RHBDD1: variants seen among roughly 807,000 people sequenced by gnomAD.
The protein encoded by RHBDD1 is rhomboid-related protein 4.
RHBDD1 carries 38 observed loss-of-function variants against 36.3 expected under a neutral mutation model. That is an observed-to-expected ratio of 1.05 (90% CI 0.81 to 1.37). The LOEUF is 1.37. Ranked by LOEUF, RHBDD1 falls within the 40% of genes most tolerant of loss-of-function variation. The pLI is 0.00. For synonymous variants in RHBDD1, 151 were observed against 136.5 expected, an observed-to-expected ratio of 1.11 and a Z score of -0.74; for missense variants, 393 against 377.6, an observed-to-expected ratio of 1.04 and a Z score of -0.34.
intron 5 of RHBDD1, among the ~76,000 whole-genome samples, chr2:226,887,326 G>A (rs180850116): frequency 1.3e-5 from 2 of 152,284 alleles, no homozygotes; most frequent in East Asian, 1.9e-4. Context: ...TGCATCTGTA[G>A]TTGTAGATTT....
At chr2:226,877,529 T>C (rs1439979514) in intron 5 of RHBDD1, among the ~76,000 whole-genome samples, 1 of 151,574 alleles carries the variant, frequency 6.6e-6, no homozygotes, top group Non-Finnish European at 1.5e-5. Context: ...TTTATTTTTT[T>C]AGAAAATGTG....
intron 8 of RHBDD1, among the ~76,000 whole-genome samples, chr2:226,974,741 A>G (rs1279960256): frequency 6.6e-6 from 1 of 152,216 alleles, no homozygotes; most frequent in Non-Finnish European, 1.5e-5. Flanking sequence ...ACCCAAGAGC[A>G]GGGTGGATAC....
chr2:226,989,868 C>T (rs1957791833), intron 8 of RHBDD1, among the ~76,000 whole-genome samples: 1 of 152,172 alleles, frequency 6.6e-6, no homozygotes, highest in African/African-American at 2.4e-5. Flanking sequence ...GTGCTGACCA[C>T]TGTAAATCAC....
chr2:226,829,626 T>C, the RHBDD1 span, among the ~76,000 whole-genome samples: 1 of 152,314 alleles, frequency 6.6e-6, no homozygotes, highest in South Asian at 2.1e-4. Context: ...TGGAATGAAA[T>C]TGTTTTCTCA....
intron 8 of RHBDD1, among the ~76,000 whole-genome samples, chr2:226,967,417 G>T (rs745892603): frequency 3.3e-5 from 5 of 151,656 alleles, no homozygotes; most frequent in Non-Finnish European, 7.4e-5. Context: ...AAATTTTAGG[G>T]TACATGTGCA....
chr2:226,990,567 T>C (rs1957962210), intron 8 of RHBDD1, among the ~76,000 whole-genome samples: 1 of 152,078 alleles, frequency 6.6e-6, no homozygotes, highest in Admixed American at 6.5e-5. Context: ...TGGCGAACGG[T>C]AGGGAAAATG....
intron 8 of RHBDD1, among the ~76,000 whole-genome samples, chr2:226,975,715 A>G (rs1176701223): frequency 6.6e-6 from 1 of 152,210 alleles, no homozygotes; most frequent in Admixed American, 6.5e-5. Flanking sequence ...TTCGACAATG[A>G]TTTGTACATA....
chr2:226,848,438 G>A (rs1028476002), intron 3 of RHBDD1, among the ~76,000 whole-genome samples: 4 of 152,308 alleles, frequency 2.6e-5, no homozygotes, highest in African/African-American at 2.4e-5. Flanking sequence ...TATCTTACTA[G>A]TAGACAGTTG....
intron 3 of RHBDD1, among the ~76,000 whole-genome samples, chr2:226,854,251 T>C (rs1943106021): frequency 6.6e-6 from 1 of 152,130 alleles, no homozygotes; most frequent in African/African-American, 2.4e-5. Context: ...TATTATTATT[T>C]AGTATCTGTT....
chr2:226,974,709 A>G (rs922219925), intron 8 of RHBDD1, among the ~76,000 whole-genome samples: 6 of 152,194 alleles, frequency 3.9e-5, no homozygotes, highest in Non-Finnish European at 8.8e-5. Flanking sequence ...TCCAGGCACC[A>G]GGATCCTCTT....
At position 226,995,553 on chromosome 2, in the gene RHBDD1, G is replaced by T. The variant is rs374562891; in HGVS notation, c.*31G>T. ...CATCTTGGGAAGACATGGCCTATTC[G>T]TGTAATTATTGCCCATTTGGCTCAT... On this transcript the variant is annotated 3_prime_UTR_variant, in exon 9 of 9. Coordinates refer to ENST00000392062, the MANE Select transcript of RHBDD1 (RefSeq NM_001167608.3). 1 of 1,444,196 alleles carries T rather than the reference G, an allele frequency of 6.9e-7. No homozygotes were observed. The allele number at this position is 1,444,196 out of a possible 1,614,324, so 89.5% of individuals were successfully genotyped here. A position where few individuals can be genotyped will look rare whatever the true frequency, so the allele number is the denominator to read the frequency against.
Position 226,995,723 on chromosome 2 carries a change from C to T in RHBDD1, c.*201C>T. ...TTGCGGGGAGTGGGCCTTCTCCTGGCCTTGTTCTTGCTCATAAACAGGTCA... is the reference window on the plus strand; with the variant it reads ...TTGCGGGGAGTGGGCCTTCTCCTGGTCTTGTTCTTGCTCATAAACAGGTCA... On this transcript the variant is annotated 3_prime_UTR_variant, in exon 9 of 9. Coordinates refer to ENST00000392062, the MANE Select transcript of RHBDD1 (RefSeq NM_001167608.3). The T allele has an allele frequency of 1.7e-6, 1 of 588,338 alleles. No individual in the cohort carries two copies. 36.4% of individuals were successfully genotyped at this position (588,338 alleles called of 1,614,324 possible).
At chr2:226,992,060 A>G (rs1377908280) in intron 8 of RHBDD1, among the ~76,000 whole-genome samples, 1 of 152,240 alleles carries the variant, frequency 6.6e-6, no homozygotes, top group African/African-American at 2.4e-5. Context: ...AAACACAAAG[A>G]TAAGACCCTT....
At chr2:226,927,433 A>G (rs1949737301) in intron 8 of RHBDD1, among the ~76,000 whole-genome samples, 1 of 152,076 alleles carries the variant, frequency 6.6e-6, no homozygotes, top group Non-Finnish European at 1.5e-5. Flanking sequence ...AAGCTGCTAT[A>G]AAAATTTACG....
At chr2:226,959,577 G>A (rs1019102728) in intron 8 of RHBDD1, among the ~76,000 whole-genome samples, 1 of 152,166 alleles carries the variant, frequency 6.6e-6, no homozygotes, top group Non-Finnish European at 1.5e-5. Flanking sequence ...ATCACTATGT[G>A]TGTTAATAGT....
At chr2:226,938,836 T>A (rs1575168575) in intron 8 of RHBDD1, among the ~76,000 whole-genome samples, 1 of 151,824 alleles carries the variant, frequency 6.6e-6, no homozygotes, top group African/African-American at 2.4e-5. Flanking sequence ...AAAAGGAAAA[T>A]TTTAGGCCAA....
At chr2:226,957,957 T>C (rs1361334174) in intron 8 of RHBDD1, among the ~76,000 whole-genome samples, 5 of 152,030 alleles carry the variant, frequency 3.3e-5, no homozygotes, top group Admixed American at 6.5e-5. Flanking sequence ...GATTGTAAAA[T>C]TGTATAGCTG....
chr2:226,926,237 AAAT>A (rs1559279917), intron 8 of RHBDD1, among the ~76,000 whole-genome samples: 1 of 152,026 alleles, frequency 6.6e-6, no homozygotes, highest in East Asian at 1.9e-4. Context: ...AAAAAAAAAA[AAAT>A]AAGGGCCATT....
intron 5 of RHBDD1, among the ~76,000 whole-genome samples, chr2:226,897,556 G>A (rs977448818): frequency 1.6e-4 from 25 of 152,184 alleles, no homozygotes; most frequent in Non-Finnish European, 7.3e-5. Flanking sequence ...TCAAAACTGA[G>A]CCTCTGCTGA....
Sources: allele counts gnomAD v4.1 joint callset (sites outside exome capture counted in the v4.1 genomes callset), GRCh38; gene constraint gnomAD v4.1.1; transcripts MANE v1.5; gene names NCBI Gene and HGNC (gene_info 2026-07-23, HGNC 2026-07-21).